The following DNAI3 variants were observed in gnomAD, a reference collection of about 807,000 sequenced individuals.
The protein encoded by DNAI3 is dynein axonemal intermediate chain 3.
In DNAI3, 83 loss-of-function variants were observed where a neutral mutation model predicts 115.5. The observed-to-expected ratio is 0.72, with a 90% confidence interval of 0.60 to 0.86. DNAI3 has a LOEUF of 0.86. Among genes scored for constraint, DNAI3 ranks in the 40% least tolerant of loss-of-function variants. DNAI3 has a pLI of 0.00. For missense variants in DNAI3, 1,004 were observed against 1,075.8 expected (o/e 0.93, Z 0.93); for synonymous variants, 320 against 347.0 (o/e 0.92, Z 0.86).
At chr1:85,069,852 C>T (rs1202328742) in intron 1 of DNAI3, among the ~76,000 whole-genome samples, 2 of 152,076 alleles carry the variant, frequency 1.3e-5, no homozygotes, top group African/African-American at 2.4e-5. Context: ...TATGCTAAGA[C>T]TGGGAAGTGA....
At chr1:85,095,857 T>G in intron 10 of DNAI3, 74 bp from the exon 11 acceptor site, 1 of 1,400,988 alleles carries the variant, frequency 7.1e-7, no homozygotes, top group Non-Finnish European at 1.0e-6. Context: ...CTTTTAACTG[T>G]CTTAATATTA....
intron 7 of DNAI3, among the ~76,000 whole-genome samples, chr1:85,089,446 G>C (rs948896866): frequency 1.4e-5 from 2 of 147,276 alleles, no homozygotes; most frequent in Non-Finnish European, 3.0e-5. Flanking sequence ...CATATGAGGT[G>C]TTCACATACA....
intron 5 of DNAI3, among the ~76,000 whole-genome samples, chr1:85,084,225 A>ATATCAGCAG (rs1654719810): frequency 7.3e-6 from 1 of 136,276 alleles, no homozygotes; most frequent in African/African-American, 2.7e-5. Context: ...GTGTATATAT[A>ATATCAGCAG]TGTGTATATA....
chr1:85,063,175 T>C (rs1653988077), intron 1 of DNAI3, among the ~76,000 whole-genome samples: 1 of 152,174 alleles, frequency 6.6e-6, no homozygotes, highest in South Asian at 2.1e-4. Flanking sequence ...TTACACATAG[T>C]ATGACTGGAA....
intron 7 of DNAI3, among the ~76,000 whole-genome samples, chr1:85,087,684 G>T (rs1406023145): frequency 6.6e-6 from 1 of 151,966 alleles, no homozygotes; most frequent in South Asian, 2.1e-4. Context: ...AAATGGAGGG[G>T]AAAAAAGAAT....
At chr1:85,091,560 A>G (rs1195307307) in intron 8 of DNAI3, among the ~76,000 whole-genome samples, 3 of 152,230 alleles carry the variant, frequency 2.0e-5, no homozygotes, top group Admixed American at 6.5e-5. Context: ...AGCTTTATTC[A>G]ATAGTTTTTA....
At chr1:85,124,319 G>T in intron 19 of DNAI3, 68 bp downstream of exon 19, 1 of 1,606,124 alleles carries the variant, frequency 6.2e-7, no homozygotes, top group Non-Finnish European at 8.5e-7. Context: ...AAGAGGAACT[G>T]TTATGTTCTG....
At chr1:85,110,261 C>G (rs1412123943) in intron 16 of DNAI3, 126 bp downstream of exon 16, 2 of 739,650 alleles carry the variant, frequency 2.7e-6, no homozygotes, top group African/African-American at 3.7e-5. Context: ...ATCATCCTGG[C>G]TAACACGGTG....
intron 19 of DNAI3, among the ~76,000 whole-genome samples, chr1:85,125,340 T>C (rs949541935): frequency 6.6e-6 from 1 of 152,010 alleles, no homozygotes; most frequent in Non-Finnish European, 1.5e-5. Context: ...CACACACATA[T>C]ATATATTTCA....
At chr1:85,064,108 A>G (rs1450371633) in intron 1 of DNAI3, among the ~76,000 whole-genome samples, 3 of 152,228 alleles carry the variant, frequency 2.0e-5, no homozygotes, top group Admixed American at 6.5e-5. Context: ...TTTAATAACT[A>G]TATTTCCATA....
chr1:85,123,816 A>G (rs1467723359), intron 18 of DNAI3, among the ~76,000 whole-genome samples: 1 of 152,248 alleles, frequency 6.6e-6, no homozygotes, highest in Non-Finnish European at 1.5e-5. Flanking sequence ...AGTACCTGCT[A>G]TTACATATTG....
At chr1:85,109,621 A>G (rs1224377039) in intron 15 of DNAI3, among the ~76,000 whole-genome samples, 3 of 152,176 alleles carry the variant, frequency 2.0e-5, no homozygotes, top group Non-Finnish European at 4.4e-5. Context: ...ACTCCAGTGC[A>G]TGTGTTCCTG....
rs138739634 is a variant in DNAI3, at chr1:85,126,653, C to G, written c.2255C>G (p.Pro752Arg). Residue 752 changes from proline to arginine, a missense_variant, in exon 20 of 23, where the codon CCA (proline) becomes CGA (arginine). Pro to Arg is a moderately radical substitution (Grantham distance 103). Coordinates refer to ENST00000294664, the MANE Select transcript of DNAI3 (RefSeq NM_145172.5). ...GACCTTCTGGAGAAAACCCATGAAC[C>G]AGCCCAGTCTCAAAACATTTGCATA... ...IWDLLEKTHE[P>R]AQSQNICITM... The G allele has an allele frequency of 1.3e-5, 21 of 1,614,146 alleles. No homozygotes were observed. The highest frequency in any genetic ancestry group is 5.3e-5 in the African/African-American group (4 of 75,040).
chr1:85,086,794 C>G (rs1557711871), intron 7 of DNAI3, among the ~76,000 whole-genome samples: 1 of 151,996 alleles, frequency 6.6e-6, no homozygotes, highest in Non-Finnish European at 1.5e-5. Flanking sequence ...CTCTAGCCAT[C>G]CTTTCTCTCC....
chr1:85,130,228 G>GA, intron 22 of DNAI3, 116 bp downstream of exon 22: 3 of 1,449,232 alleles, frequency 2.1e-6, no homozygotes, highest in Non-Finnish European at 1.9e-6. Flanking sequence ...TTCTTCTCTT[G>GA]TTCTCATGAG....
At chr1:85,128,246 A>G (rs556493784) in intron 20 of DNAI3, among the ~76,000 whole-genome samples, 1 of 152,322 alleles carries the variant, frequency 6.6e-6, no homozygotes, top group Middle Eastern at 3.4e-3. Flanking sequence ...TGTTTTTACA[A>G]TAAGACCTGT....
intron 18 of DNAI3, among the ~76,000 whole-genome samples, chr1:85,122,316 G>A (rs529640356): frequency 3.9e-5 from 6 of 152,208 alleles, no homozygotes; most frequent in Admixed American, 3.3e-4. Flanking sequence ...AGGACAGGTC[G>A]TGTCTTTATG....
intron 16 of DNAI3, among the ~76,000 whole-genome samples, chr1:85,117,473 G>A (rs925299393): frequency 2.6e-5 from 4 of 152,112 alleles, no homozygotes; most frequent in South Asian, 2.1e-4. Context: ...TTCAGCCCCC[G>A]AATTACCTAT....
chr1:85,114,015 C>CTTTTTTTTTTTTTTT (rs58178754), intron 16 of DNAI3, among the ~76,000 whole-genome samples: 1 of 117,670 alleles, frequency 8.5e-6, no homozygotes. Context: ...CAATTTGTAT[C>CTTTTTTTTTTTTTTT]TTTTTTTTTT....
Sources: gnomAD v4.1 joint callset for allele counts (sites outside exome capture counted in the v4.1 genomes callset) on GRCh38, gnomAD v4.1.1 for gene constraint, MANE v1.5 for transcripts, NCBI Gene and HGNC (gene_info 2026-07-23, HGNC 2026-07-21) for gene names.